The following FRMD4A variants were observed in gnomAD, a reference collection of about 807,000 sequenced individuals.
FRMD4A encodes the protein FERM domain-containing protein 4A.
Under a neutral mutation model 129.1 loss-of-function variants are expected in FRMD4A, and 29 were observed. The observed-to-expected ratio is 0.22, with a 90% confidence interval of 0.17 to 0.31. FRMD4A has a LOEUF of 0.31. Ranked by LOEUF, FRMD4A falls within the 10% of genes least tolerant of loss-of-function variation. The pLI, the probability that FRMD4A is intolerant of heterozygous loss-of-function variation, is 1.00. For missense variants in FRMD4A, 1,272 were observed against 1,375.8 expected, an observed-to-expected ratio of 0.92 and a Z score of 1.19; for synonymous variants, 634 against 571.6, an observed-to-expected ratio of 1.11 and a Z score of -1.56.
Position 14,188,992 on chromosome 10 carries a change from T to G in FRMD4A, c.45+141066A>C, listed in dbSNP as rs540386540. 4.0e-4 allele frequency among the ~76,000 whole-genome samples: 61 copies of G among 152,334 alleles called. 1 individual carries two copies. In the South Asian group the frequency reaches 0.012, roughly 31 times the overall value. On this transcript the variant is annotated intron_variant, in intron 2 of 24. Coordinates refer to ENST00000357447, the MANE Select transcript of FRMD4A (RefSeq NM_018027.5). ...CAACCCAGCTCACCTCTGTTTGTCT[T>G]CACTGCCTGTTTGACATTTAGCTTA...
At chr10:14,299,812 A>G (rs1309093858) in intron 2 of FRMD4A, among the ~76,000 whole-genome samples, 5 of 152,182 alleles carry the variant, frequency 3.3e-5, no homozygotes. Flanking sequence ...TCTGTCAGGG[A>G]AGATTAGAAG....
At chr10:14,019,910 T>A (rs1159813198) in intron 2 of FRMD4A, among the ~76,000 whole-genome samples, 1 of 152,180 alleles carries the variant, frequency 6.6e-6, no homozygotes. Flanking sequence ...TTTTTTTCCT[T>A]TGGGGTGCGT....
intron 2 of FRMD4A, among the ~76,000 whole-genome samples, chr10:14,141,492 T>C (rs1465293418): frequency 2.6e-5 from 4 of 152,166 alleles, no homozygotes; most frequent in African/African-American, 9.7e-5. Context: ...TGAAACATCA[T>C]GTGACACTCT....
chr10:14,217,174 G>A (rs7922964), intron 2 of FRMD4A, among the ~76,000 whole-genome samples: 11,235 of 152,206 alleles, frequency 0.074, 816 homozygotes, highest in African/African-American at 0.18. Flanking sequence ...GACCCAGAGA[G>A]AATTTTAAAA....
intron 12 of FRMD4A, 81 bp downstream of exon 12, chr10:13,737,763 T>C: frequency 1.3e-6 from 1 of 778,744 alleles, no homozygotes; most frequent in Non-Finnish European, 2.3e-6. Flanking sequence ...CTGCATGGCG[T>C]TAGCATTTTT....
At chr10:14,285,672 A>G (rs904832126) in intron 2 of FRMD4A, among the ~76,000 whole-genome samples, 3 of 152,268 alleles carry the variant, frequency 2.0e-5, no homozygotes, top group Non-Finnish European at 4.4e-5. Context: ...TGAGGTTTAT[A>G]TGAAATACCA....
intron 5 of FRMD4A, among the ~76,000 whole-genome samples, chr10:13,789,589 CAT>C (rs1554898473): frequency 2.2e-4 from 33 of 148,812 alleles, no homozygotes; most frequent in African/African-American, 5.2e-4. Flanking sequence ...CACACACACA[CAT>C]GACGCAGACT....
intron 2 of FRMD4A, among the ~76,000 whole-genome samples, chr10:14,100,010 C>G (rs1837215410): frequency 6.6e-6 from 1 of 152,170 alleles, no homozygotes; most frequent in South Asian, 2.1e-4. Context: ...GCCATTTATA[C>G]AAACACTGGG....
chr10:13,783,909 G>A lies in FRMD4A; in HGVS notation c.300-903C>T, dbSNP rs139677614. On this transcript the variant is annotated intron_variant, in intron 5 of 24. Coordinates refer to ENST00000357447, the MANE Select transcript of FRMD4A (RefSeq NM_018027.5). ...GCCATTATTTAAGTTTACACTAAATGTGCCTTTATAATATTGACTTTGGAG... is the reference window on the plus strand; with the variant it reads ...GCCATTATTTAAGTTTACACTAAATATGCCTTTATAATATTGACTTTGGAG... 8.5e-3 allele frequency among the ~76,000 whole-genome samples: 1,292 copies of A among 152,248 alleles called. 17 individuals carry two copies. The highest frequency in any genetic ancestry group is 0.03 in the African/African-American group (1,232 of 41,546).
chr10:13,770,955 T>G (rs2092438621), intron 6 of FRMD4A, among the ~76,000 whole-genome samples: 1 of 152,228 alleles, frequency 6.6e-6, no homozygotes, highest in South Asian at 2.1e-4. Flanking sequence ...ACAGATGAGA[T>G]GACGTCATCT....
At chr10:13,771,542 G>T (rs990715466) in intron 6 of FRMD4A, among the ~76,000 whole-genome samples, 1 of 152,180 alleles carries the variant, frequency 6.6e-6, no homozygotes, top group African/African-American at 2.4e-5. Flanking sequence ...CCCTTGGAAA[G>T]TAACCAATTA....
intron 2 of FRMD4A, among the ~76,000 whole-genome samples, chr10:14,119,762 A>T (rs1046495579): frequency 6.6e-6 from 1 of 152,134 alleles, no homozygotes; most frequent in African/African-American, 2.4e-5. Context: ...TTATTTGGGG[A>T]GTAACAATTT....
At chr10:13,723,969 A>T (rs139372223) in intron 12 of FRMD4A, among the ~76,000 whole-genome samples, 1 of 152,324 alleles carries the variant, frequency 6.6e-6, no homozygotes, top group East Asian at 1.9e-4. Flanking sequence ...ATAAAAGCTT[A>T]TTTTGCTATT....
intron 15 of FRMD4A, chr10:13,685,656 T>C (rs2085003508): frequency 2.0e-6 from 2 of 984,012 alleles, no homozygotes; most frequent in South Asian, 4.7e-5. Flanking sequence ...GTGATAGTTA[T>C]ATCTCTTTTT....
intron 2 of FRMD4A, among the ~76,000 whole-genome samples, chr10:14,129,061 GCCC>G (rs1227589191): frequency 6.6e-6 from 1 of 151,658 alleles, no homozygotes; most frequent in East Asian, 1.9e-4. Flanking sequence ...TGCAGGTGTG[GCCC>G]CCCCAATACC....
intron 2 of FRMD4A, among the ~76,000 whole-genome samples, chr10:14,068,761 T>C (rs1461624340): frequency 6.6e-6 from 1 of 152,172 alleles, no homozygotes; most frequent in East Asian, 1.9e-4. Context: ...CTTACTATAT[T>C]AGGTTTAATT....
At chr10:13,779,145 C>T (rs1486656558) in intron 6 of FRMD4A, among the ~76,000 whole-genome samples, 3 of 151,988 alleles carry the variant, frequency 2.0e-5, no homozygotes, top group Non-Finnish European at 2.9e-5. Flanking sequence ...GGTGAAACCC[C>T]ATCTCTACTA....
intron 2 of FRMD4A, among the ~76,000 whole-genome samples, chr10:13,867,935 T>G (rs1220880914): frequency 7.0e-6 from 1 of 143,674 alleles, no homozygotes; most frequent in East Asian, 2.0e-4. Context: ...AAATAATATA[T>G]ATATAATAAA....
intron 12 of FRMD4A, among the ~76,000 whole-genome samples, chr10:13,714,051 T>TATATAAAATATAC (rs2088505670): frequency 6.6e-5 from 1 of 15,042 alleles, no homozygotes; most frequent in African/African-American, 2.4e-4. Flanking sequence ...TATATATATA[T>TATATAAAATATAC]ATATATATAA....
Sources: gnomAD v4.1 joint callset for allele counts (sites outside exome capture counted in the v4.1 genomes callset) on GRCh38, gnomAD v4.1.1 for gene constraint, MANE v1.5 for transcripts, NCBI Gene and HGNC (gene_info 2026-07-23, HGNC 2026-07-21) for gene names.